MCTP1: variants seen among roughly 807,000 people sequenced by gnomAD.
MCTP1 encodes the protein multiple C2 and transmembrane domain containing 1.
A neutral mutation model predicts 120.6 loss-of-function variants in MCTP1; 69 were observed. The observed-to-expected ratio is 0.57, with a 90% CI of 0.47 to 0.70. The LOEUF is 0.70. Ranked by LOEUF, MCTP1 falls within the 30% of genes least tolerant of loss-of-function variation. The pLI, the probability that MCTP1 is intolerant of heterozygous loss-of-function variation, is 0.00. For missense variants in MCTP1, 1,203 were observed against 1,248.8 expected (o/e 0.96, Z 0.55); for synonymous variants, 529 against 493.1 (o/e 1.07, Z -0.96).
chr5:94,738,566 ATTGT>A (rs1764805133), intron 19 of MCTP1, among the ~76,000 whole-genome samples: 1 of 152,090 alleles, frequency 6.6e-6, no homozygotes, highest in African/African-American at 2.4e-5. Flanking sequence ...GGGAATTCTT[ATTGT>A]TTAAGACTTA....
At chr5:95,170,488 CT>C in intron 1 of MCTP1, among the ~76,000 whole-genome samples, 1 of 152,260 alleles carries the variant, frequency 6.6e-6, no homozygotes, top group East Asian at 1.9e-4. Context: ...TCTCGTTGAT[CT>C]GTCTAATGTT....
chr5:95,055,712 T>C (rs949719853), intron 1 of MCTP1, among the ~76,000 whole-genome samples: 14 of 152,222 alleles, frequency 9.2e-5, no homozygotes, highest in African/African-American at 2.9e-4. Flanking sequence ...GATTCAGATC[T>C]TGCCTGTGTT....
chr5:94,760,199 C>T (rs1334637984), intron 19 of MCTP1, among the ~76,000 whole-genome samples: 2 of 151,988 alleles, frequency 1.3e-5, no homozygotes, highest in Admixed American at 1.3e-4. Flanking sequence ...AAAGGTGACA[C>T]ATTTTCTCTA....
At chr5:94,825,959 G>T in intron 17 of MCTP1, 1 of 233,262 alleles carries the variant, frequency 4.3e-6, no homozygotes, top group South Asian at 7.5e-5. Context: ...AGGCAACTTA[G>T]ATCATTCTTC....
At chr5:94,821,746 A>T (rs556495531) in intron 17 of MCTP1, among the ~76,000 whole-genome samples, 1 of 152,284 alleles carries the variant, frequency 6.6e-6, no homozygotes, top group East Asian at 1.9e-4. Context: ...CAAGTCCTGC[A>T]ATTGGCCCTG....
At chr5:94,890,019 T>C (rs913487101) in intron 11 of MCTP1, among the ~76,000 whole-genome samples, 16 of 152,168 alleles carry the variant, frequency 1.1e-4, no homozygotes, top group Non-Finnish European at 2.1e-4. Context: ...TATTTTTATT[T>C]TTTTAGAGAC....
chr5:95,130,206 C>G (rs930066329), intron 1 of MCTP1, among the ~76,000 whole-genome samples: 3 of 152,198 alleles, frequency 2.0e-5, no homozygotes, highest in South Asian at 2.1e-4. Flanking sequence ...ATAATAAACT[C>G]CTCTTATCTA....
chr5:95,040,111 C>T lies in MCTP1; in HGVS notation c.721-22627G>A, dbSNP rs534374357. 7.2e-4 allele frequency among the ~76,000 whole-genome samples: 109 copies of T among 152,172 alleles called. 1 individual carries two copies. Among genetic ancestry groups the T allele is most frequent in the African/African-American group, 2.6e-3 (106 of 41,524 alleles). Reference sequence around the variant, plus strand: ...ATTCATCTTGGCATGTGAGGTCCCCCCTGCCTGCTGAAATTGTTCTGCTTC... The same window carrying T: ...ATTCATCTTGGCATGTGAGGTCCCCTCTGCCTGCTGAAATTGTTCTGCTTC... On this transcript the variant is annotated intron_variant, in intron 1 of 22. Coordinates refer to ENST00000515393, the MANE Select transcript of MCTP1 (RefSeq NM_024717.7).
At chr5:94,817,132 C>T (rs765120255) in intron 17 of MCTP1, among the ~76,000 whole-genome samples, 13 of 152,052 alleles carry the variant, frequency 8.5e-5, no homozygotes, top group Non-Finnish European at 1.3e-4. Context: ...GGGCTGGGTG[C>T]GGTGGTTCAC....
chr5:94,726,014 T>A (rs1211434736), intron 19 of MCTP1, among the ~76,000 whole-genome samples: 1 of 152,228 alleles, frequency 6.6e-6, no homozygotes, highest in East Asian at 1.9e-4. Flanking sequence ...ATCTCAGGAA[T>A]ATTATTTCAT....
At chr5:95,210,056 T>A (rs1406267075) in intron 1 of MCTP1, among the ~76,000 whole-genome samples, 1 of 152,200 alleles carries the variant, frequency 6.6e-6, no homozygotes, top group Admixed American at 6.6e-5. Context: ...ATAATTTCTG[T>A]TCTTTTACAT....
chr5:95,270,962 A>G (rs1759342104), intron 1 of MCTP1, among the ~76,000 whole-genome samples: 1 of 152,078 alleles, frequency 6.6e-6, no homozygotes, highest in Non-Finnish European at 1.5e-5. Context: ...GATTTAACAA[A>G]AGCTAATTCA....
chr5:95,126,291 A>G (rs1254549794), intron 1 of MCTP1, among the ~76,000 whole-genome samples: 1 of 152,238 alleles, frequency 6.6e-6, no homozygotes, highest in African/African-American at 2.4e-5. Context: ...CTTATTGATT[A>G]GTATCAATAA....
chr5:94,977,691 G>T (rs1346504212), intron 2 of MCTP1, among the ~76,000 whole-genome samples: 2 of 152,100 alleles, frequency 1.3e-5, no homozygotes, highest in African/African-American at 2.4e-5. Context: ...CAACAAGGGT[G>T]CCAGGAATAC....
At chr5:95,210,742 G>T (rs146587277) in intron 1 of MCTP1, among the ~76,000 whole-genome samples, 6 of 150,818 alleles carry the variant, frequency 4.0e-5, no homozygotes, top group African/African-American at 1.5e-4. Context: ...TATTTTGCTC[G>T]TTAGTTCACG....
chr5:94,730,937 C>G (rs1763002829), intron 19 of MCTP1, among the ~76,000 whole-genome samples: 1 of 133,508 alleles, frequency 7.5e-6, no homozygotes, highest in African/African-American at 3.0e-5. Context: ...CACACACACT[C>G]CACACACACA....
chr5:94,971,569 T>G (rs954470059), intron 2 of MCTP1, among the ~76,000 whole-genome samples: 3 of 152,222 alleles, frequency 2.0e-5, no homozygotes, highest in Non-Finnish European at 4.4e-5. Context: ...ATAATCTGTT[T>G]ATTCTATATA....
chr5:94,865,054 T>C (rs1405581754), intron 17 of MCTP1, among the ~76,000 whole-genome samples: 3 of 151,850 alleles, frequency 2.0e-5, no homozygotes, highest in Non-Finnish European at 4.4e-5. Context: ...CACAGTAAAA[T>C]TTTAAAACCG....
intron 1 of MCTP1, among the ~76,000 whole-genome samples, chr5:95,255,051 G>T (rs1311923777): frequency 6.6e-6 from 1 of 152,132 alleles, no homozygotes; most frequent in East Asian, 1.9e-4. Context: ...ATGTATATGT[G>T]TGTACAGAAT....
Sources: allele counts gnomAD v4.1 joint callset (sites outside exome capture counted in the v4.1 genomes callset), GRCh38; gene constraint gnomAD v4.1.1; transcripts MANE v1.5; gene names NCBI Gene and HGNC (gene_info 2026-07-23, HGNC 2026-07-21).